Variants in PTPN1 observed in about 807,000 individuals in gnomAD.
PTPN1 encodes protein tyrosine phosphatase non-receptor type 1.
PTPN1 carries 12 observed loss-of-function variants against 59.9 expected under a neutral mutation model. That is an observed-to-expected ratio of 0.20 (90% CI 0.13 to 0.32). The LOEUF is 0.32. Among genes scored for constraint, PTPN1 ranks in the 10% least tolerant of loss-of-function variants. The pLI is 1.00. For synonymous variants in PTPN1, 178 were observed against 203.6 expected (o/e 0.87, Z 1.07); for missense variants, 356 against 549.2 (o/e 0.65, Z 3.52).
rs761153666 is a variant in PTPN1, at chr20:50,568,337, T to C, written c.256-43T>C. 142 of 1,546,736 alleles carry C rather than the reference T, an allele frequency of 9.2e-5. 1 individual carries two copies. The highest frequency in any genetic ancestry group is 1.3e-4 in the Non-Finnish European group (142 of 1,119,088). ...GAAGGTGAGCACACGCTGTAGCATG[T>C]TATGTTTCAGATGTCACATGTTGTG... On this transcript the variant is annotated intron_variant, in intron 3 of 9. Transcript: ENST00000371621. This position sits in a 1 kb window ranked among gnomAD's most constrained non-coding sequence, Gnocchi z 5.6.
At chr20:50,569,933 TGGGCTGAGGATCG>T (rs1379431456) in intron 4 of PTPN1, among the ~76,000 whole-genome samples, 1 of 152,194 alleles carries the variant, frequency 6.6e-6, no homozygotes, top group Non-Finnish European at 1.5e-5. Flanking sequence ...CAGGAGGAGA[TGGGCTGAGGATCG>T]TGGAGACCAG....
intron 1 of PTPN1, chr20:50,557,912 C>T (rs1211957939): frequency 1.3e-5 from 2 of 152,164 alleles, no homozygotes; most frequent in Non-Finnish European, 1.5e-5. Flanking sequence ...GACTCCTGGG[C>T]TCAAGCAGTC....
At chr20:50,548,711 T>A (rs1165042162) in intron 1 of PTPN1, among the ~76,000 whole-genome samples, 3 of 151,946 alleles carry the variant, frequency 2.0e-5, no homozygotes, top group Admixed American at 6.6e-5. Flanking sequence ...TGGCCAAGTA[T>A]GTTTATTTAT....
At chr20:50,574,357 T>A in intron 4 of PTPN1, 160 bp from the exon 5 acceptor site, 4 of 674,894 alleles carry the variant, frequency 5.9e-6, no homozygotes, top group East Asian at 3.5e-5. Flanking sequence ...CCCACCCCCA[T>A]CTCCCCATGA....
intron 1 of PTPN1, among the ~76,000 whole-genome samples, chr20:50,556,965 C>G (rs570452049): frequency 6.6e-6 from 1 of 152,210 alleles, no homozygotes; most frequent in South Asian, 2.1e-4. Context: ...TAATACAACC[C>G]ACATACATGA....
At chr20:50,579,049 C>A in intron 6 of PTPN1, 119 bp from the exon 7 acceptor site, 2 of 1,232,572 alleles carry the variant, frequency 1.6e-6, no homozygotes, top group Non-Finnish European at 2.3e-6. Context: ...AGCCCCACCT[C>A]CAACACTAGG....
chr20:50,569,684 C>T (rs1264678447), intron 4 of PTPN1, among the ~76,000 whole-genome samples: 3 of 150,730 alleles, frequency 2.0e-5, no homozygotes, highest in South Asian at 4.2e-4. Flanking sequence ...CTCTGTAGAC[C>T]GTCGTGTATA....
Position 50,584,624 on chromosome 20 carries a change from C to T in PTPN1, c.*1909C>T, listed in dbSNP as rs1032855180. The T allele has an allele frequency of 2.5e-4, 4 of 16,124 alleles. No individual in the cohort carries two copies. Among genetic ancestry groups the T allele is most frequent in the Admixed American group, 9.3e-4 (1 of 1,072 alleles). The allele number at this position is 16,124 out of a possible 1,614,324, so 1.0% of individuals were successfully genotyped here. On this transcript the variant is annotated 3_prime_UTR_variant, in exon 10 of 10. Transcript: ENST00000371621. ...GTGTGTGGATACGTGGCTGCATGAC[C>T]GGGTGGGTGGGGGGGAGTGTCTCAG...
intron 1 of PTPN1, among the ~76,000 whole-genome samples, chr20:50,559,739 GA>G (rs1237235796): frequency 1.3e-5 from 2 of 151,940 alleles, no homozygotes; most frequent in Non-Finnish European, 2.9e-5. Context: ...TAAGTTTCGA[GA>G]GACATCTTTG....
At chr20:50,576,350 A>C (rs1436149029) in intron 5 of PTPN1, among the ~76,000 whole-genome samples, 1 of 152,234 alleles carries the variant, frequency 6.6e-6, no homozygotes, top group African/African-American at 2.4e-5. Flanking sequence ...GAGTGAATAC[A>C]GCCAGCTCAG....
At position 50,583,308 on chromosome 20, in the gene PTPN1, G is replaced by C. The variant is rs78008537; in HGVS notation, c.*593G>C. ...TGCGTCAGACCAGTACTGGGAAGGA[G>C]GACGGTTGTAAGCAGTTGTTATTTA... On this transcript the variant is annotated 3_prime_UTR_variant, in exon 10 of 10. Coordinates refer to ENST00000371621, the MANE Select transcript of PTPN1 (RefSeq NM_002827.4). 733 of 153,294 alleles carry C rather than the reference G, an allele frequency of 4.8e-3. 1 individual carries two copies. Among genetic ancestry groups the C allele is most frequent in the Non-Finnish European group, 7.9e-3 (540 of 68,656 alleles). The allele number at this position is 153,294 out of a possible 1,614,324, so 9.5% of individuals were successfully genotyped here.
chr20:50,544,604 C>T (rs1036891180), intron 1 of PTPN1, among the ~76,000 whole-genome samples: 3 of 152,102 alleles, frequency 2.0e-5, no homozygotes, highest in Non-Finnish European at 2.9e-5. Flanking sequence ...CAGAAAGAAA[C>T]AAATCACTAT....
intron 1 of PTPN1, among the ~76,000 whole-genome samples, chr20:50,537,801 G>T (rs2122745104): frequency 6.6e-6 from 1 of 152,272 alleles, no homozygotes; most frequent in African/African-American, 2.4e-5. Context: ...AGGTATGCTG[G>T]ATGATACCTA....
intron 1 of PTPN1, among the ~76,000 whole-genome samples, chr20:50,526,811 GTGTC>G (rs1316822778): frequency 6.6e-6 from 1 of 151,872 alleles, no homozygotes; most frequent in African/African-American, 2.4e-5. Flanking sequence ...CACTGTACTT[GTGTC>G]CATCTTCTTA....
chr20:50,527,998 C>T (rs527551538), intron 1 of PTPN1, among the ~76,000 whole-genome samples: 1 of 152,208 alleles, frequency 6.6e-6, no homozygotes, highest in Non-Finnish European at 1.5e-5. Flanking sequence ...AGTGTGCACA[C>T]ATACACTGTG....
At chr20:50,552,488 A>G (rs1223917252) in intron 1 of PTPN1, among the ~76,000 whole-genome samples, 1 of 152,164 alleles carries the variant, frequency 6.6e-6, no homozygotes, top group Middle Eastern at 3.4e-3. Flanking sequence ...GATCCCTGCA[A>G]TCCCATCTGC....
intron 5 of PTPN1, among the ~76,000 whole-genome samples, chr20:50,576,769 G>A (rs1485786980): frequency 1.3e-5 from 2 of 151,908 alleles, no homozygotes; most frequent in East Asian, 3.9e-4. Context: ...CCAGCTACTC[G>A]GGAGGCTGAG....
At chr20:50,569,254 G>A (rs1366526835) in intron 4 of PTPN1, among the ~76,000 whole-genome samples, 1 of 152,228 alleles carries the variant, frequency 6.6e-6, no homozygotes, top group Non-Finnish European at 1.5e-5. Flanking sequence ...GAACCCTGCA[G>A]GTCTGGCCCT....
intron 1 of PTPN1, among the ~76,000 whole-genome samples, chr20:50,560,738 A>T (rs2082748272): frequency 6.6e-6 from 1 of 151,890 alleles, no homozygotes; most frequent in South Asian, 2.1e-4. Context: ...TTTTTTAGTA[A>T]TAAACAATAT....
Sources: allele counts gnomAD v4.1 joint callset (sites outside exome capture counted in the v4.1 genomes callset), GRCh38; gene constraint gnomAD v4.1.1; non-coding constraint Gnocchi (gnomAD v3.1); transcripts MANE v1.5; gene names NCBI Gene and HGNC (gene_info 2026-07-23, HGNC 2026-07-21).